Variants in ADGRG6 observed in about 807,000 individuals in gnomAD.
The protein encoded by ADGRG6 is adhesion G protein-coupled receptor G6.
Under a neutral mutation model 142.4 loss-of-function variants are expected in ADGRG6, and 84 were observed. The observed-to-expected ratio is 0.59, with a 90% CI of 0.49 to 0.71. The LOEUF (loss-of-function observed/expected upper bound fraction) is 0.71. Ranked by LOEUF, ADGRG6 falls within the 30% of genes least tolerant of loss-of-function variation. The pLI is 0.00. For missense variants in ADGRG6, 1,367 were observed against 1,466.6 expected (o/e 0.93, Z 1.11); for synonymous variants, 521 against 520.5 (o/e 1.00, Z -0.01).
intron 9 of ADGRG6, among the ~76,000 whole-genome samples, chr6:142,394,580 A>ATTTTTTTT (rs5880532): frequency 7.5e-6 from 1 of 132,978 alleles, no homozygotes; most frequent in Non-Finnish European, 1.6e-5. Context: ...ATCTCTGTAG[A>ATTTTTTTT]TTTTTTTTTT....
intron 15 of ADGRG6, among the ~76,000 whole-genome samples, chr6:142,407,728 T>C (rs1284853309): frequency 1.3e-5 from 2 of 152,204 alleles, no homozygotes; most frequent in Admixed American, 6.5e-5. Context: ...ATGTGAAAGA[T>C]GTCTTGCTTT....
chr6:142,315,223 T>C (rs997031663), intron 2 of ADGRG6, among the ~76,000 whole-genome samples: 2 of 152,286 alleles, frequency 1.3e-5, no homozygotes, highest in South Asian at 4.1e-4. Flanking sequence ...TCTAACACTT[T>C]TAAATTCTTT....
chr6:142,415,691 T>C (rs1372770576), intron 19 of ADGRG6, 105 bp from the exon 20 acceptor site: 10 of 710,462 alleles, frequency 1.4e-5, no homozygotes, highest in Non-Finnish European at 2.1e-5. Context: ...TGGTGCTACT[T>C]ATCTCATTGC....
chr6:142,369,278 T>C (rs1022039459), intron 3 of ADGRG6, among the ~76,000 whole-genome samples: 10 of 152,216 alleles, frequency 6.6e-5, no homozygotes, highest in African/African-American at 2.4e-4. Flanking sequence ...ATTAGGTGAA[T>C]ACATTTTTAT....
chr6:142,417,058 G>A, intron 20 of ADGRG6: 1 of 587,240 alleles, frequency 1.7e-6, no homozygotes. Context: ...AGTAGGTTTG[G>A]ATTGTTGCCA....
chr6:142,337,458 G>A (rs746581167), intron 2 of ADGRG6, among the ~76,000 whole-genome samples: 3 of 152,098 alleles, frequency 2.0e-5, no homozygotes, highest in Non-Finnish European at 2.9e-5. Flanking sequence ...CCAGAAAAAT[G>A]GCAATGGCAC....
intron 24 of ADGRG6, among the ~76,000 whole-genome samples, chr6:142,441,894 T>C (rs1777771646): frequency 6.6e-6 from 1 of 152,218 alleles, no homozygotes; most frequent in Non-Finnish European, 1.5e-5. Flanking sequence ...GCTTCAGTTG[T>C]TCCACCATGC....
intron 4 of ADGRG6, among the ~76,000 whole-genome samples, chr6:142,378,270 A>G (rs1210234047): frequency 1.3e-5 from 2 of 152,134 alleles, no homozygotes; most frequent in Non-Finnish European, 2.9e-5. Flanking sequence ...CTGAGCCCTT[A>G]TCTCCCTTTG....
intron 11 of ADGRG6, chr6:142,400,921 C>G (rs148515110): frequency 5.3e-6 from 1 of 187,584 alleles, no homozygotes; most frequent in African/African-American, 2.3e-5. Flanking sequence ...TCTGGAATTC[C>G]GAAACTTTTT....
Position 142,393,658 on chromosome 6 carries a change from T to C in ADGRG6, c.1362-238T>C, listed in dbSNP as rs192404817. Among the ~76,000 whole-genome samples the C allele has an allele frequency of 9.3e-5, 14 of 150,470 alleles. 1 individual carries two copies. The South Asian group carries it at 2.3e-3, about 25-fold the overall frequency. The stretch of plus-strand genomic sequence containing the variant: ...ACGTTATTGTACAAACTGAAGCAGA[T>C]TTTTTTATCAGAACGTCTCAGTTTC... On this transcript the variant is annotated intron_variant, in intron 8 of 24. Coordinates refer to ENST00000367609, the MANE Select transcript of ADGRG6 (RefSeq NM_198569.3).
At chr6:142,314,390 C>T (rs1265552364) in intron 2 of ADGRG6, among the ~76,000 whole-genome samples, 3 of 152,022 alleles carry the variant, frequency 2.0e-5, no homozygotes, top group Admixed American at 6.6e-5. Context: ...GGTGAGATCA[C>T]GCTTGTCTCC....
intron 2 of ADGRG6, among the ~76,000 whole-genome samples, chr6:142,350,682 A>G (rs978875487): frequency 1.3e-5 from 2 of 152,224 alleles, no homozygotes; most frequent in Non-Finnish European, 2.9e-5. Flanking sequence ...CTCATCCTCA[A>G]GTGGAATTCA....
chr6:142,404,439 G>A (rs1324143644), intron 14 of ADGRG6, among the ~76,000 whole-genome samples: 4 of 151,980 alleles, frequency 2.6e-5, no homozygotes, highest in Non-Finnish European at 1.5e-5. Context: ...TCAGGAGTTT[G>A]AGACCAGGCT....
chr6:142,425,064 A>G (rs1033301507), intron 22 of ADGRG6, among the ~76,000 whole-genome samples: 5 of 152,238 alleles, frequency 3.3e-5, no homozygotes, highest in African/African-American at 1.2e-4. Context: ...TCCTGAGAAC[A>G]ACAAAAGTGC....
intron 1 of ADGRG6, among the ~76,000 whole-genome samples, chr6:142,303,692 A>G (rs60576163): frequency 0.017 from 2,654 of 152,280 alleles, 75 homozygotes; most frequent in African/African-American, 0.06. Context: ...TTTTTCTTGA[A>G]AATATACTAG....
chr6:142,349,187 A>T (rs988651008), intron 2 of ADGRG6, among the ~76,000 whole-genome samples: 1 of 152,260 alleles, frequency 6.6e-6, no homozygotes, highest in Non-Finnish European at 1.5e-5. Context: ...TCAATCAAAC[A>T]TAAGACAATG....
intron 23 of ADGRG6, among the ~76,000 whole-genome samples, chr6:142,437,771 C>T (rs1319800339): frequency 1.3e-5 from 2 of 151,838 alleles, no homozygotes; most frequent in Non-Finnish European, 2.9e-5. Flanking sequence ...AAATGAGTTG[C>T]CTGAGGTTTG....
intron 2 of ADGRG6, among the ~76,000 whole-genome samples, chr6:142,343,350 T>G (rs1426660360): frequency 6.6e-6 from 1 of 151,606 alleles, no homozygotes. Context: ...AAATAGTAAA[T>G]TCTACTTTTT....
chr6:142,414,867 A>C, intron 18 of ADGRG6, 102 bp from the exon 19 acceptor site: 1 of 816,768 alleles, frequency 1.2e-6, no homozygotes, highest in Non-Finnish European at 1.8e-6. Context: ...TTAGCCCCTG[A>C]GAGTAAGCTG....
Sources: allele counts gnomAD v4.1 joint callset (sites outside exome capture counted in the v4.1 genomes callset), GRCh38; gene constraint gnomAD v4.1.1; transcripts MANE v1.5; gene names NCBI Gene and HGNC (gene_info 2026-07-23, HGNC 2026-07-21).